Variants in LAMA2 observed in about 807,000 individuals in gnomAD.
LAMA2 encodes the protein laminin subunit alpha 2.
LAMA2 carries 269 observed loss-of-function variants against 364.8 expected under a neutral mutation model. The observed-to-expected ratio is 0.74, with a 90% CI of 0.67 to 0.82. LAMA2 has a LOEUF of 0.82. Among genes scored for constraint, LAMA2 ranks in the 40% least tolerant of loss-of-function variants. LAMA2 has a pLI of 0.00. For missense variants in LAMA2, 3,807 were observed against 3,873.2 expected (o/e 0.98, Z 0.45); for synonymous variants, 1,379 against 1,370.6 (o/e 1.01, Z -0.14).
chr6:129,050,128 A>G (rs1361340792), intron 2 of LAMA2, 40 bp downstream of exon 2: 5 of 1,606,064 alleles, frequency 3.1e-6, no homozygotes, highest in Non-Finnish European at 4.3e-6. Flanking sequence ...GCTGGGTAGG[A>G]TCTATAATTG....
Position 128,965,565 on chromosome 6 carries a change from C to T in LAMA2, c.112+82208C>T, listed in dbSNP as rs145266079. Among the ~76,000 whole-genome samples, 222 of 152,024 alleles carry T rather than the reference C, an allele frequency of 1.5e-3. 1 individual carries two copies. The highest frequency in any genetic ancestry group is 5.0e-3 in the South Asian group (24 of 4,816). ...TTGTTTCTTGCTTATTTGAATCATTCGTTTTATTCTTCTTTCTACTTAGGC... is the reference window on the plus strand; with the variant it reads ...TTGTTTCTTGCTTATTTGAATCATTTGTTTTATTCTTCTTTCTACTTAGGC... On this transcript the variant is annotated intron_variant, in intron 1 of 64. Coordinates refer to ENST00000421865, the MANE Select transcript of LAMA2 (RefSeq NM_000426.4).
intron 22 of LAMA2, among the ~76,000 whole-genome samples, chr6:129,303,132 C>T (rs1773651688): frequency 6.6e-6 from 1 of 152,004 alleles, no homozygotes; most frequent in Non-Finnish European, 1.5e-5. Flanking sequence ...AATTTTTTCT[C>T]AGAAATGTTT....
At chr6:129,113,334 A>G (rs1187818041) in intron 4 of LAMA2, among the ~76,000 whole-genome samples, 1 of 152,034 alleles carries the variant, frequency 6.6e-6, no homozygotes. Context: ...CTTGTCATAA[A>G]TGAATCAATC....
chr6:129,362,123 C>T (rs184382845), intron 32 of LAMA2, among the ~76,000 whole-genome samples: 16 of 152,108 alleles, frequency 1.1e-4, no homozygotes, highest in East Asian at 5.8e-4. Context: ...AAATGATCAT[C>T]GCTTTGATCT....
intron 1 of LAMA2, among the ~76,000 whole-genome samples, chr6:129,037,055 T>C (rs1188308183): frequency 1.3e-5 from 2 of 152,248 alleles, no homozygotes; most frequent in African/African-American, 4.8e-5. Context: ...CAGCAGTCAA[T>C]TATCTCCTTT....
intron 40 of LAMA2, among the ~76,000 whole-genome samples, chr6:129,407,308 C>T (rs1780297286): frequency 1.3e-5 from 2 of 152,124 alleles, no homozygotes; most frequent in Non-Finnish European, 2.9e-5. Flanking sequence ...ATACACATCT[C>T]CTGAAATCAT....
chr6:128,954,581 G>A (rs1369342762), intron 1 of LAMA2, among the ~76,000 whole-genome samples: 2 of 151,886 alleles, frequency 1.3e-5, no homozygotes, highest in South Asian at 2.1e-4. Context: ...TGGCATGTTG[G>A]CATTTTTACA....
At chr6:129,118,881 T>C (rs7773094) in intron 4 of LAMA2, among the ~76,000 whole-genome samples, 38,992 of 152,132 alleles carry the variant, frequency 0.26, 5,777 homozygotes, top group African/African-American at 0.42. Flanking sequence ...ATCCATGATG[T>C]GTAAGAGTGA....
intron 17 of LAMA2, among the ~76,000 whole-genome samples, chr6:129,271,851 A>G (rs2114361712): frequency 6.6e-6 from 1 of 151,946 alleles, no homozygotes; most frequent in South Asian, 2.1e-4. Context: ...GTGATCAAGT[A>G]GGTCATACTT....
chr6:129,167,311 C>A (rs557045399), intron 9 of LAMA2, among the ~76,000 whole-genome samples: 1 of 123,526 alleles, frequency 8.1e-6, no homozygotes. Context: ...TCCCTCCCCC[C>A]TCCCCCCACC....
rs981472642 is a variant in LAMA2, at chr6:129,192,831, C to A, written c.1760C>A (p.Pro587Gln). The A allele has an allele frequency of 6.2e-7, 1 of 1,613,984 alleles. No individual in the cohort carries two copies. Among genetic ancestry groups the A allele is most frequent in the Non-Finnish European group, 8.5e-7 (1 of 1,179,924 alleles). ...ALPHSYYWSA[P>Q]APYLGNKLPA... ...CCGCACAGCTACTACTGGAGCGCGC[C>A]GGCTCCCTATCTGGGAAACAAAGTA... is the stretch of plus-strand genomic sequence containing the variant. Residue 587 changes from proline (P) to glutamine (Q), a missense_variant, in exon 12 of 65, where the codon CCG becomes CAG. Physicochemically the swap from Pro to Gln is moderately conservative, Grantham distance 76. Coordinates refer to ENST00000421865, the MANE Select transcript of LAMA2 (RefSeq NM_000426.4).
At chr6:128,922,584 G>A (rs1260872248) in intron 1 of LAMA2, among the ~76,000 whole-genome samples, 4 of 151,758 alleles carry the variant, frequency 2.6e-5, no homozygotes, top group East Asian at 1.9e-4. Context: ...ATTTGTTTGA[G>A]TTCATTGTAG....
At chr6:129,358,113 T>C (rs1259031361) in intron 32 of LAMA2, among the ~76,000 whole-genome samples, 1 of 152,060 alleles carries the variant, frequency 6.6e-6, no homozygotes, top group Non-Finnish European at 1.5e-5. Flanking sequence ...TTAGGCAATC[T>C]ATAAAACATC....
intron 4 of LAMA2, among the ~76,000 whole-genome samples, chr6:129,105,764 G>A (rs888609214): frequency 5.3e-5 from 8 of 152,150 alleles, no homozygotes; most frequent in African/African-American, 1.9e-4. Context: ...GGTCAAAGGG[G>A]TATCTGAGAG....
At chr6:129,094,540 A>C (rs1162062053) in intron 3 of LAMA2, among the ~76,000 whole-genome samples, 1 of 152,216 alleles carries the variant, frequency 6.6e-6, no homozygotes, top group Non-Finnish European at 1.5e-5. Flanking sequence ...TTGTAGCTGC[A>C]TGAGAACTTG....
intron 4 of LAMA2, among the ~76,000 whole-genome samples, chr6:129,140,847 A>G (rs1020013343): frequency 6.6e-6 from 1 of 152,120 alleles, no homozygotes; most frequent in African/African-American, 2.4e-5. Context: ...TATTCACAAG[A>G]TCTCTTGGCA....
rs1582878801 is a variant in LAMA2 at position 129,017,530 on chromosome 6, C to G, written c.113-32388C>G. On this transcript the variant is annotated intron_variant, in intron 1 of 64. Coordinates refer to ENST00000421865, the MANE Select transcript of LAMA2 (RefSeq NM_000426.4). ...TGAACTTTGGTAACATAAGGCCTAGCAAAGTTTTATTGATCTTACATATAT... is the reference window on the plus strand; with the variant it reads ...TGAACTTTGGTAACATAAGGCCTAGGAAAGTTTTATTGATCTTACATATAT... 2.0e-5 allele frequency among the ~76,000 whole-genome samples: 3 copies of G among 151,952 alleles called. No individual in the cohort carries two copies. The South Asian group carries it at 6.2e-4, about 32-fold the overall frequency.
At chr6:128,943,269 C>CACAGAG (rs1365657711) in intron 1 of LAMA2, among the ~76,000 whole-genome samples, 113 of 143,190 alleles carry the variant, frequency 7.9e-4, no homozygotes, top group African/African-American at 1.5e-3. Context: ...TATATATACA[C>CACAGAG]AGAGAGAGAG....
Position 129,270,744 on chromosome 6 carries a change from T to A in LAMA2, c.2443T>A (p.Ser815Thr). 1 of 1,613,100 alleles carries A rather than the reference T, an allele frequency of 6.2e-7. No individual in the cohort carries two copies. The change falls in exon 17 of 65, where the codon TCC becomes ACC. Residue 815 changes from serine (S) to threonine (T), a missense_variant. Ser to Thr is a moderately conservative substitution (Grantham distance 58). Coordinates refer to ENST00000421865, the MANE Select transcript of LAMA2 (RefSeq NM_000426.4). ...CTGTGCCTGTCCACTCAATATCCCA[T>A]CCAATAAGTAAGTAACAAACTTACC... The part of the protein sequence containing the change: ...QPCACPLNIP[S>T]NNFSPTCHLD...
Sources: gnomAD v4.1 joint callset for allele counts (sites outside exome capture counted in the v4.1 genomes callset) on GRCh38, gnomAD v4.1.1 for gene constraint, MANE v1.5 for transcripts, NCBI Gene and HGNC (gene_info 2026-07-23, HGNC 2026-07-21) for gene names.